The following CNNM4 variants were observed in gnomAD, a reference collection of about 807,000 sequenced individuals.
CNNM4 encodes the protein metal transporter CNNM4.
Under a neutral mutation model 53.7 loss-of-function variants are expected in CNNM4, and 32 were observed. The ratio of observed to expected loss-of-function variants is 0.60; its 90% CI spans 0.45 to 0.80. CNNM4 has a LOEUF of 0.80. Ranked by LOEUF, CNNM4 falls within the 30% of genes least tolerant of loss-of-function variation. The pLI, the probability that CNNM4 is intolerant of heterozygous loss-of-function variation, is 0.00. For missense variants in CNNM4, 784 were observed against 1,022.0 expected (o/e 0.77, Z 3.17); for synonymous variants, 410 against 440.0 (o/e 0.93, Z 0.85).
chr2:96,785,343 A>C (rs2079007961), intron 1 of CNNM4, among the ~76,000 whole-genome samples: 1 of 152,190 alleles, frequency 6.6e-6, no homozygotes, highest in Non-Finnish European at 1.5e-5. Context: ...AATTTAAAGA[A>C]GTAAAACCGA....
rs769970170 is a variant in CNNM4 at position 96,801,934 on chromosome 2, AACAC to A, written c.1948+2291_1948+2294del. Among the ~76,000 whole-genome samples, 17 of 150,510 alleles carry A rather than the reference AACAC, an allele frequency of 1.1e-4. No homozygotes were observed. The highest frequency in any genetic ancestry group is 1.6e-4 in the Non-Finnish European group (11 of 67,566). On this transcript the variant is annotated intron_variant, in intron 5 of 6. Coordinates refer to ENST00000377075, the MANE Select transcript of CNNM4 (RefSeq NM_020184.4). This position sits in a 1 kb window ranked among gnomAD's most constrained non-coding sequence, Gnocchi z 5.6. ...TAGATACACCACTCATAGACACACA[AACAC>A]ACACCCATAGGCACACACCCATAGG... is the stretch of plus-strand genomic sequence containing the variant.
At chr2:96,763,380 A>G (rs2078783100) in intron 1 of CNNM4, among the ~76,000 whole-genome samples, 1 of 152,258 alleles carries the variant, frequency 6.6e-6, no homozygotes, top group African/African-American at 2.4e-5. Context: ...TCAAAGTGGC[A>G]GTAAACAAGC....
intron 5 of CNNM4, among the ~76,000 whole-genome samples, chr2:96,805,440 A>AATTTTTTTTTTTTTTTT (rs2079194974): frequency 5.4e-4 from 47 of 87,448 alleles, no homozygotes; most frequent in Non-Finnish European, 8.0e-4. Flanking sequence ...TTTTTTTTTT[A>AATTTTTTTTTTTTTTTT]TTATTTTTTT....
In CNNM4 at chr2:96,799,244, T is replaced by C. The variant is rs747102629; in HGVS notation, c.1851+18T>C. 1.2e-6 allele frequency: 2 copies of C among 1,613,930 alleles called. No homozygotes were observed. Among genetic ancestry groups the C allele is most frequent in the African/African-American group, 2.7e-5 (2 of 74,932 alleles). Reference sequence around the variant, plus strand: ...TCCTGCAGGTGAGCCCGCTCAGCCCTGGGCCTGCCACCTGCTCCCCCTGGC... The same window carrying C: ...TCCTGCAGGTGAGCCCGCTCAGCCCCGGGCCTGCCACCTGCTCCCCCTGGC... On this transcript the variant is annotated intron_variant, in intron 4 of 6. Transcript: ENST00000377075.
chr2:96,770,200 A>G (rs761049675), intron 1 of CNNM4, among the ~76,000 whole-genome samples: 22 of 152,252 alleles, frequency 1.4e-4, no homozygotes, highest in Non-Finnish European at 2.8e-4. Context: ...AATGCTGTGC[A>G]TCGAGGCCCT....
intron 1 of CNNM4, among the ~76,000 whole-genome samples, chr2:96,793,814 T>C (rs1435135640): frequency 5.3e-5 from 8 of 152,002 alleles, no homozygotes. Context: ...AAATGCAAAA[T>C]TAGCTGGGTA....
intron 5 of CNNM4, among the ~76,000 whole-genome samples, chr2:96,805,003 T>A (rs2079189066): frequency 6.6e-6 from 1 of 151,938 alleles, no homozygotes; most frequent in Non-Finnish European, 1.5e-5. Flanking sequence ...ATAATAATAA[T>A]AAAATAAATT....
intron 1 of CNNM4, among the ~76,000 whole-genome samples, chr2:96,776,063 C>G (rs1239841249): frequency 1.5e-5 from 2 of 134,092 alleles, no homozygotes; most frequent in Non-Finnish European, 3.1e-5. Flanking sequence ...GAGTCTCGCT[C>G]TGTTGCCCAG....
chr2:96,809,153 T>G (rs1299148307), intron 6 of CNNM4, 167 bp from the exon 7 acceptor site: 3 of 1,464,838 alleles, frequency 2.0e-6, no homozygotes, highest in Non-Finnish European at 2.8e-6. Context: ...TGAGATGCTT[T>G]CTTCTCTTGT....
chr2:96,788,829 G>A (rs1423736513), intron 1 of CNNM4: 2 of 152,218 alleles, frequency 1.3e-5, no homozygotes, highest in Non-Finnish European at 2.9e-5. Flanking sequence ...CTTCTTGGGT[G>A]GTGGGAGTCC....
chr2:96,806,303 T>G (rs2153351196), intron 5 of CNNM4, among the ~76,000 whole-genome samples: 1 of 152,258 alleles, frequency 6.6e-6, no homozygotes, highest in East Asian at 1.9e-4. Flanking sequence ...AAACCACTTT[T>G]GATAACGTCA....
intron 1 of CNNM4, among the ~76,000 whole-genome samples, chr2:96,777,381 C>T (rs2078935418): frequency 6.6e-6 from 1 of 152,110 alleles, no homozygotes; most frequent in African/African-American, 2.4e-5. Flanking sequence ...TACAGTCTCT[C>T]TGTCACGTAG....
chr2:96,796,851 G>A (rs1334510292), intron 1 of CNNM4, among the ~76,000 whole-genome samples, 161 bp from the exon 2 acceptor site: 1 of 152,214 alleles, frequency 6.6e-6, no homozygotes, highest in Non-Finnish European at 1.5e-5. Flanking sequence ...TAAAAGCAAT[G>A]TCTGTTTGCA....
chr2:96,778,456 T>C (rs1200244710), intron 1 of CNNM4, among the ~76,000 whole-genome samples: 1 of 150,320 alleles, frequency 6.7e-6, no homozygotes, highest in African/African-American at 2.5e-5. Context: ...TACTCCGGAG[T>C]CTGAGACAGA....
chr2:96,774,310 G>A (rs1023263174), intron 1 of CNNM4, among the ~76,000 whole-genome samples: 11 of 152,090 alleles, frequency 7.2e-5, no homozygotes, highest in Admixed American at 3.9e-4. Context: ...TCTTGCCTCC[G>A]CAACAAAGAT....
chr2:96,774,998 A>AAAAAAAAAAAAAAG (rs2078912118), intron 1 of CNNM4, among the ~76,000 whole-genome samples: 1 of 116,396 alleles, frequency 8.6e-6, no homozygotes. Context: ...AAAAAAAAAA[A>AAAAAAAAAAAAAAG]GCCAGAAGAT....
chr2:96,762,330 T>G lies in CNNM4; in HGVS notation c.1331T>G (p.Phe444Cys), dbSNP rs2078773078. The G allele has an allele frequency of 1.2e-6, 2 of 1,614,196 alleles. No homozygotes were observed. The highest frequency in any genetic ancestry group is 1.7e-6 in the Non-Finnish European group (2 of 1,180,030). ...ACCCCCCTCAAGACTATCACTCGCT[T>G]CTATAACCACCCGGTGCACTTTGTC... Reference protein sequence around the residue: ...DCTPLKTITRFYNHPVHFVFH... With the variant: ...DCTPLKTITRCYNHPVHFVFH... Residue 444 changes from phenylalanine to cysteine, a missense_variant, in exon 1 of 7, where the codon TTC (phenylalanine) becomes TGC (cysteine). Phe to Cys is a radical substitution (Grantham distance 205). This residue lies in a region of CNNM4 where 473 missense variants were observed against 624.6 expected (regional missense o/e 0.76). Coordinates refer to ENST00000377075, the MANE Select transcript of CNNM4 (RefSeq NM_020184.4).
At chr2:96,785,156 G>C (rs1233318985) in intron 1 of CNNM4, among the ~76,000 whole-genome samples, 5 of 152,094 alleles carry the variant, frequency 3.3e-5, no homozygotes, top group Non-Finnish European at 7.3e-5. Context: ...GGGATTACAG[G>C]CATGAGCCAC....
At chr2:96,774,857 A>G (rs1336111690) in intron 1 of CNNM4, among the ~76,000 whole-genome samples, 1 of 148,196 alleles carries the variant, frequency 6.7e-6, no homozygotes, top group African/African-American at 2.5e-5. Context: ...GCTACTTGGG[A>G]GGCTGAGGCA....
Sources: allele counts gnomAD v4.1 joint callset (sites outside exome capture counted in the v4.1 genomes callset), GRCh38; gene constraint gnomAD v4.1.1; regional missense constraint gnomAD v4.1.1; non-coding constraint Gnocchi (gnomAD v3.1); transcripts MANE v1.5; gene names NCBI Gene and HGNC (gene_info 2026-07-23, HGNC 2026-07-21).